TDRP: variants seen among roughly 807,000 people sequenced by gnomAD.
The protein encoded by TDRP is testis development-related protein.
In TDRP, 12 loss-of-function variants were observed where a neutral mutation model predicts 10.5. The observed-to-expected ratio is 1.15, with a 90% CI of 0.73 to 1.86. The LOEUF is 1.86. TDRP is among the 40% of genes most tolerant of loss of function. The probability of loss-of-function intolerance (pLI) is 0.00; values close to 1 mark genes in which losing one functional copy is unlikely to be tolerated. For missense variants in TDRP, 353 were observed against 229.2 expected (o/e 1.54, Z -3.49); for synonymous variants, 139 against 95.4 (o/e 1.46, Z -2.67).
intron 2 of TDRP, among the ~76,000 whole-genome samples, chr8:493,490 A>G (rs1801038493): frequency 6.6e-6 from 1 of 152,274 alleles, no homozygotes; most frequent in Non-Finnish European, 1.5e-5. Flanking sequence ...AGTGCAGAGA[A>G]GCAGACCGGG....
intron 1 of TDRP, among the ~76,000 whole-genome samples, chr8:539,548 C>G (rs1802436454): frequency 1.3e-5 from 2 of 152,148 alleles, no homozygotes; most frequent in South Asian, 2.1e-4. Flanking sequence ...CTACAACTTA[C>G]TGCAAATGGG....
chr8:517,062 T>G (rs1302388408), intron 1 of TDRP, among the ~76,000 whole-genome samples: 2 of 152,162 alleles, frequency 1.3e-5, no homozygotes. Flanking sequence ...CAGGCCGTGA[T>G]GGGAAGGAGG....
At chr8:537,699 C>T (rs1408004631) in intron 1 of TDRP, among the ~76,000 whole-genome samples, 1 of 152,140 alleles carries the variant, frequency 6.6e-6, no homozygotes, top group Non-Finnish European at 1.5e-5. Flanking sequence ...CTAAATTAGC[C>T]TCCTATCAGT....
At chr8:540,924 C>T (rs894975845) in intron 1 of TDRP, among the ~76,000 whole-genome samples, 4 of 151,792 alleles carry the variant, frequency 2.6e-5, no homozygotes, top group Non-Finnish European at 4.4e-5. Context: ...TCAACCTGCA[C>T]GTTTAACATC....
chr8:524,621 C>T (rs1801989007), intron 1 of TDRP, among the ~76,000 whole-genome samples: 1 of 152,140 alleles, frequency 6.6e-6, no homozygotes, highest in South Asian at 2.1e-4. Context: ...TTTAAAACAT[C>T]AAGCAGAAAT....
At chr8:502,091 T>C (rs1801320544) in intron 1 of TDRP, among the ~76,000 whole-genome samples, 1 of 152,212 alleles carries the variant, frequency 6.6e-6, no homozygotes, top group African/African-American at 2.4e-5. Context: ...CCTTCCTGAA[T>C]ACTGTGAAAA....
At chr8:506,040 C>G (rs1300104495) in intron 1 of TDRP, among the ~76,000 whole-genome samples, 1 of 152,128 alleles carries the variant, frequency 6.6e-6, no homozygotes, top group Non-Finnish European at 1.5e-5. Flanking sequence ...TGTCCTCTTT[C>G]TCCTCACCCA....
rs1270686103 is a variant in TDRP, at chr8:492,303, A to T, written c.*96T>A. On this transcript the variant is annotated 3_prime_UTR_variant, in exon 3 of 3. Coordinates refer to ENST00000324079, the MANE Select transcript of TDRP (RefSeq NM_001384899.1). ...AATATCAAATATAGGCAAAAAGTAG[A>T]CTCTCTATTCTTTCTAACGCGGAAA... 32 of 1,356,756 alleles carry T rather than the reference A, an allele frequency of 2.4e-5. No homozygotes were observed. In the East Asian group the frequency reaches 8.6e-4, roughly 37 times the overall value. 84.0% of individuals were successfully genotyped at this position (1,356,756 alleles called of 1,614,324 possible).
chr8:494,620 G>A, intron 1 of TDRP, 23 bp from the exon 2 acceptor site: 1 of 1,599,500 alleles, frequency 6.3e-7, no homozygotes, highest in Non-Finnish European at 8.6e-7. Context: ...TAAGAAAAAT[G>A]TCAAATCTGA....
intron 1 of TDRP, among the ~76,000 whole-genome samples, chr8:538,893 G>A (rs757612119): frequency 1.3e-5 from 2 of 152,218 alleles, no homozygotes; most frequent in African/African-American, 2.4e-5. Context: ...CGCATATGCT[G>A]CTGGTTGGAA....
intron 1 of TDRP, among the ~76,000 whole-genome samples, chr8:531,863 T>A (rs1425628908): frequency 6.6e-6 from 1 of 152,196 alleles, no homozygotes; most frequent in Non-Finnish European, 1.5e-5. Context: ...ACACCACATA[T>A]TATTTCAACC....
At chr8:493,585 G>C (rs111840277) in intron 2 of TDRP, among the ~76,000 whole-genome samples, 1 of 152,182 alleles carries the variant, frequency 6.6e-6, no homozygotes, top group African/African-American at 2.4e-5. Flanking sequence ...TCCATAACAC[G>C]GAGCAAATAT....
intron 1 of TDRP, among the ~76,000 whole-genome samples, chr8:501,390 A>T (rs528751845): frequency 6.6e-6 from 1 of 151,604 alleles, no homozygotes; most frequent in South Asian, 2.1e-4. Context: ...TCTGTTGCCC[A>T]GGCTGGAGTG....
chr8:505,615 G>C (rs1444239661), intron 1 of TDRP, among the ~76,000 whole-genome samples: 2 of 152,186 alleles, frequency 1.3e-5, no homozygotes, highest in African/African-American at 4.8e-5. Context: ...AGGCCATGAA[G>C]ATCTCCAGCC....
At chr8:534,157 C>T (rs1045805771) in intron 1 of TDRP, among the ~76,000 whole-genome samples, 1 of 152,174 alleles carries the variant, frequency 6.6e-6, no homozygotes, top group African/African-American at 2.4e-5. Context: ...CAAATTCCTA[C>T]TGGTGGCTAC....
intron 1 of TDRP, among the ~76,000 whole-genome samples, chr8:536,965 G>C (rs748568185): frequency 5.9e-5 from 9 of 152,126 alleles, no homozygotes; most frequent in African/African-American, 9.7e-5. Context: ...TCATATGAGA[G>C]TCCAATGAGA....
chr8:536,864 A>G (rs1285250395), intron 1 of TDRP, among the ~76,000 whole-genome samples: 1 of 152,160 alleles, frequency 6.6e-6, no homozygotes, highest in South Asian at 2.1e-4. Flanking sequence ...CCCTTCTATA[A>G]TATCGTAACT....
chr8:535,400 G>A (rs1393032399), intron 1 of TDRP, among the ~76,000 whole-genome samples: 1 of 152,114 alleles, frequency 6.6e-6, no homozygotes, highest in African/African-American at 2.4e-5. Context: ...CACCAAGACA[G>A]AACCCCAGCT....
At position 492,178 on chromosome 8, in the gene TDRP, T is replaced by C; in HGVS notation, c.*221A>G. The C allele has an allele frequency of 1.6e-6, 2 of 1,260,202 alleles. No homozygotes were observed. Among genetic ancestry groups the C allele is most frequent in the Non-Finnish European group, 2.0e-6 (2 of 1,005,602 alleles). The allele number at this position is 1,260,202 out of a possible 1,614,324, so 78.1% of individuals were successfully genotyped here. On this transcript the variant is annotated 3_prime_UTR_variant, in exon 3 of 3. Coordinates refer to ENST00000324079, the MANE Select transcript of TDRP (RefSeq NM_001384899.1). ...TGCAAAACATGGACTGATAGGTGAA[T>C]ATTTCTGCAATAAGGCAATCAAATG...
Sources: gnomAD v4.1 joint callset for allele counts (sites outside exome capture counted in the v4.1 genomes callset) on GRCh38, gnomAD v4.1.1 for gene constraint, MANE v1.5 for transcripts, NCBI Gene and HGNC (gene_info 2026-07-23, HGNC 2026-07-21) for gene names.